Variants in MALRD1 observed in about 807,000 individuals in gnomAD.
MALRD1 encodes the protein MAM and LDL-receptor class A domain-containing protein 1.
Under a neutral mutation model 242.1 loss-of-function variants are expected in MALRD1, and 247 were observed. The ratio of observed to expected loss-of-function variants is 1.02; its 90% CI spans 0.92 to 1.13. The LOEUF (loss-of-function observed/expected upper bound fraction) is 1.13, where lower values mean the gene tolerates loss of function less well. Ranked by LOEUF, MALRD1 falls within the 50% of genes most tolerant of loss-of-function variation. The pLI is 0.00. For missense variants in MALRD1, 2,989 were observed against 2,533.1 expected (o/e 1.18, Z -3.86); for synonymous variants, 995 against 866.6 (o/e 1.15, Z -2.60).
chr10:19,148,782 A>ATATAT (rs1363943174), intron 11 of MALRD1, among the ~76,000 whole-genome samples: 16 of 80,866 alleles, frequency 2.0e-4, no homozygotes, highest in African/African-American at 4.5e-4. Context: ...TTAAAAAAAA[A>ATATAT]AAAAAAATAT....
intron 28 of MALRD1, among the ~76,000 whole-genome samples, chr10:19,442,061 T>C (rs1008689024): frequency 6.6e-6 from 1 of 152,144 alleles, no homozygotes; most frequent in Non-Finnish European, 1.5e-5. Context: ...ACCTTGTAAG[T>C]TGGATTCCTA....
chr10:19,210,118 G>A (rs1836982054), intron 18 of MALRD1, among the ~76,000 whole-genome samples: 1 of 152,194 alleles, frequency 6.6e-6, no homozygotes, highest in Non-Finnish European at 1.5e-5. Flanking sequence ...GTTCCTCTGA[G>A]GAAGAGCTAG....
chr10:19,535,039 C>T (rs995827787), intron 32 of MALRD1, among the ~76,000 whole-genome samples: 1 of 152,104 alleles, frequency 6.6e-6, no homozygotes. Flanking sequence ...GCAGGTGCCA[C>T]CACACCCAGC....
At chr10:19,680,824 C>T (rs1477313158) in intron 36 of MALRD1, among the ~76,000 whole-genome samples, 2 of 152,138 alleles carry the variant, frequency 1.3e-5, no homozygotes, top group Non-Finnish European at 2.9e-5. Context: ...ACTTGGAAGG[C>T]AGGCCTGGTG....
At chr10:19,553,541 A>G (rs1292237031) in intron 32 of MALRD1, among the ~76,000 whole-genome samples, 1 of 152,122 alleles carries the variant, frequency 6.6e-6, no homozygotes, top group Non-Finnish European at 1.5e-5. Flanking sequence ...TAGTGTTTAA[A>G]TCCCCTATTT....
chr10:19,649,905 T>G (rs1840794654), intron 36 of MALRD1, among the ~76,000 whole-genome samples: 1 of 152,162 alleles, frequency 6.6e-6, no homozygotes, highest in South Asian at 2.1e-4. Context: ...TTTTTATATA[T>G]GGTGTGAGGA....
intron 26 of MALRD1, among the ~76,000 whole-genome samples, chr10:19,379,359 T>C (rs1490936058): frequency 6.6e-6 from 1 of 152,132 alleles, no homozygotes; most frequent in Non-Finnish European, 1.5e-5. Flanking sequence ...TTTGCTTTTA[T>C]TTTTCTAGCT....
intron 33 of MALRD1, among the ~76,000 whole-genome samples, chr10:19,570,449 G>T (rs567543900): frequency 1.3e-5 from 2 of 152,020 alleles, no homozygotes; most frequent in African/African-American, 2.4e-5. Flanking sequence ...CTATAGAGGG[G>T]AATGTCAAAG....
chr10:19,567,684 C>T lies in MALRD1; in HGVS notation c.5661C>T (p.Thr1887=). The change falls in exon 33 of 40, where the codon ACC becomes ACT. Residue 1887 remains threonine (T), a synonymous_variant. Transcript: ENST00000454679. ...TTGCTCTTGATGACATCTCTTTTACCCCAGAGTGTGTGACTGGAGGTAAGT... is the reference window on the plus strand; with the variant it reads ...TTGCTCTTGATGACATCTCTTTTACTCCAGAGTGTGTGACTGGAGGTAAGT... ...IFIALDDISF[T]PECVTGGPVP... is the part of the protein sequence containing the mutation. The T allele has an allele frequency of 1.9e-6, 3 of 1,550,322 alleles. No homozygotes were observed. The highest frequency in any genetic ancestry group is 2.4e-5 in the East Asian group (1 of 40,890).
intron 36 of MALRD1, among the ~76,000 whole-genome samples, chr10:19,690,581 T>A (rs1842776196): frequency 6.6e-6 from 1 of 151,974 alleles, no homozygotes; most frequent in Admixed American, 6.6e-5. Context: ...TAAGAGAAAA[T>A]TTTCTATCTT....
Position 19,327,636 on chromosome 10 carries a change from G to C in MALRD1, c.3650G>C (p.Arg1217Thr). The C allele has an allele frequency of 6.5e-7, 1 of 1,549,856 alleles. No homozygotes were observed. The highest frequency in any genetic ancestry group is 8.7e-7 in the Non-Finnish European group (1 of 1,146,382). Residue 1217 changes from arginine to threonine, a missense_variant, in exon 23 of 40, where the codon AGA becomes ACA. Transcript: ENST00000454679. ...QTGQQGAQWK[R>T]AEVFLGIRSH... Reference sequence around the variant, plus strand: ...GGACAGCAAGGTGCACAGTGGAAGAGAGCAGAAGTGTTTTTAGGCATTCGT... The same window carrying C: ...GGACAGCAAGGTGCACAGTGGAAGACAGCAGAAGTGTTTTTAGGCATTCGT...
At chr10:19,632,908 T>C (rs921430712) in intron 36 of MALRD1, among the ~76,000 whole-genome samples, 2 of 152,122 alleles carry the variant, frequency 1.3e-5, no homozygotes, top group Non-Finnish European at 2.9e-5. Flanking sequence ...ATTGAGGCTA[T>C]GAAAAGTGTT....
At chr10:19,461,676 T>G (rs1032526302) in intron 29 of MALRD1, among the ~76,000 whole-genome samples, 2 of 62,208 alleles carry the variant, frequency 3.2e-5, no homozygotes, top group African/African-American at 9.9e-5. Flanking sequence ...AGACCCCATC[T>G]CTACAAAAAA....
intron 38 of MALRD1, among the ~76,000 whole-genome samples, chr10:19,692,819 T>G (rs376720024): frequency 2.7e-4 from 39 of 145,502 alleles, no homozygotes; most frequent in African/African-American, 7.7e-4. Context: ...ATATGAAATT[T>G]ATATATATAT....
intron 14 of MALRD1, among the ~76,000 whole-genome samples, chr10:19,187,072 T>A: frequency 6.6e-6 from 1 of 152,166 alleles, no homozygotes; most frequent in East Asian, 1.9e-4. Flanking sequence ...ACATAATAAT[T>A]TAGTTAATTT....
intron 18 of MALRD1, among the ~76,000 whole-genome samples, chr10:19,218,114 C>G (rs984478237): frequency 4.0e-5 from 6 of 151,818 alleles, no homozygotes; most frequent in African/African-American, 1.5e-4. Flanking sequence ...CTCATTTAAG[C>G]AATGATTGGT....
intron 36 of MALRD1, 62 bp from the exon 37 acceptor site, chr10:19,692,220 T>C: frequency 8.2e-7 from 1 of 1,215,818 alleles, no homozygotes; most frequent in Admixed American, 2.1e-5. Context: ...CCCATGCCAG[T>C]TGTGTTCAAA....
intron 38 of MALRD1, among the ~76,000 whole-genome samples, chr10:19,727,810 T>C (rs1034752888): frequency 4.0e-5 from 6 of 151,622 alleles, no homozygotes; most frequent in South Asian, 4.2e-4. Context: ...CATTACACCA[T>C]TGAGTTTCAG....
At chr10:19,125,315 TTCCTTCC>T (rs1184556670) in intron 7 of MALRD1, among the ~76,000 whole-genome samples, 62 of 64,364 alleles carry the variant, frequency 9.6e-4, no homozygotes, top group African/African-American at 3.7e-3. Context: ...CCTTCCTTCC[TTCCTTCC>T]TTCTTTCTTT....
Sources: allele counts gnomAD v4.1 joint callset (sites outside exome capture counted in the v4.1 genomes callset), GRCh38; gene constraint gnomAD v4.1.1; transcripts MANE v1.5; gene names NCBI Gene and HGNC (gene_info 2026-07-23, HGNC 2026-07-21).